Variants in ALK observed in about 807,000 individuals in gnomAD.
The protein encoded by ALK is ALK receptor tyrosine kinase, also known as ALK tyrosine kinase receptor.
A neutral mutation model predicts 163.1 loss-of-function variants in ALK; 74 were observed. That is an observed-to-expected ratio of 0.45 (90% CI 0.38 to 0.55). The LOEUF is 0.55. Ranked by LOEUF, ALK falls within the 20% of genes least tolerant of loss-of-function variation. ALK has a pLI of 0.00. For missense variants in ALK, 2,063 were observed against 2,105.3 expected (o/e 0.98, Z 0.39); for synonymous variants, 960 against 843.2 (o/e 1.14, Z -2.40).
intron 5 of ALK, among the ~76,000 whole-genome samples, chr2:29,341,623 CA>C (rs528057969): frequency 2.0e-5 from 3 of 151,072 alleles, no homozygotes; most frequent in African/African-American, 7.3e-5. Context: ...CTCCATCTCT[CA>C]AAAAAAAAGT....
chr2:29,619,896 C>T (rs1050831519), intron 3 of ALK, among the ~76,000 whole-genome samples: 1 of 152,184 alleles, frequency 6.6e-6, no homozygotes, highest in Non-Finnish European at 1.5e-5. Flanking sequence ...TCATTATGGG[C>T]TGCATCAGGT....
intron 1 of ALK, among the ~76,000 whole-genome samples, chr2:29,796,285 A>T (rs1367611518): frequency 2.6e-5 from 4 of 152,208 alleles, no homozygotes; most frequent in African/African-American, 9.6e-5. Flanking sequence ...AGTGACGATC[A>T]GCAAAACTTA....
intron 5 of ALK, among the ~76,000 whole-genome samples, chr2:29,365,904 G>A (rs1275433478): frequency 6.6e-5 from 10 of 152,078 alleles, no homozygotes; most frequent in Admixed American, 6.5e-4. Context: ...TGACAATTAC[G>A]ACTCAAAATA....
intron 4 of ALK, among the ~76,000 whole-genome samples, chr2:29,474,735 A>G (rs186614020): frequency 9.8e-4 from 150 of 152,320 alleles, no homozygotes; most frequent in Non-Finnish European, 1.8e-3. Context: ...ACAGAAACGT[A>G]TTCGTGAATT....
intron 3 of ALK, among the ~76,000 whole-genome samples, chr2:29,610,932 A>T (rs1287522653): frequency 1.3e-5 from 2 of 152,126 alleles, no homozygotes; most frequent in Non-Finnish European, 2.9e-5. Context: ...ACCCCACTGA[A>T]AAATGTATGA....
chr2:29,733,250 G>C (rs1302654112), intron 1 of ALK, among the ~76,000 whole-genome samples: 1 of 152,198 alleles, frequency 6.6e-6, no homozygotes. Context: ...GTATCACCCA[G>C]AAGAATGAAA....
chr2:29,472,622 T>C (rs1319780612), intron 4 of ALK, among the ~76,000 whole-genome samples: 1 of 152,068 alleles, frequency 6.6e-6, no homozygotes, highest in African/African-American at 2.4e-5. Context: ...AAAGGCACAT[T>C]TGGAAAAAAA....
intron 1 of ALK, among the ~76,000 whole-genome samples, chr2:29,830,455 C>A (rs1665335334): frequency 6.6e-6 from 1 of 152,088 alleles, no homozygotes; most frequent in Admixed American, 6.5e-5. Context: ...TCAAAAGAGA[C>A]TTCAGGTAAG....
chr2:29,622,459 C>T (rs912311360), intron 3 of ALK, among the ~76,000 whole-genome samples: 5 of 152,132 alleles, frequency 3.3e-5, no homozygotes, highest in African/African-American at 4.8e-5. Context: ...TTCACTATCA[C>T]GAGAATAGCA....
At chr2:29,624,220 G>A (rs1299811869) in intron 3 of ALK, among the ~76,000 whole-genome samples, 2 of 55,816 alleles carry the variant, frequency 3.6e-5, no homozygotes, top group Admixed American at 1.9e-4. Context: ...CTTTTGGGTG[G>A]AGATGTGTGA....
rs1374299032 is a variant in ALK, at chr2:29,300,378, G to A, written c.1648-3321C>T. Among the ~76,000 whole-genome samples the A allele has an allele frequency of 7.2e-5, 11 of 151,784 alleles. No individual in the cohort carries two copies. The East Asian group carries it at 1.2e-3, about 16-fold the overall frequency. Reference sequence around the variant, plus strand: ...AGCCTGGCAAACATGGTGAAACCCCGACTCTACTAAAAATACAAAAATTAG... The same window carrying A: ...AGCCTGGCAAACATGGTGAAACCCCAACTCTACTAAAAATACAAAAATTAG... On this transcript the variant is annotated intron_variant, in intron 8 of 28. Coordinates refer to ENST00000389048, the MANE Select transcript of ALK (RefSeq NM_004304.5).
intron 26 of ALK, among the ~76,000 whole-genome samples, chr2:29,199,933 GTCA>G (rs538833339): frequency 6.6e-6 from 1 of 152,228 alleles, no homozygotes; most frequent in Non-Finnish European, 1.5e-5. Context: ...TGCTTTTATT[GTCA>G]TCATCTGTGT....
intron 5 of ALK, among the ~76,000 whole-genome samples, chr2:29,349,790 T>C (rs1444719689): frequency 6.6e-6 from 1 of 152,198 alleles, no homozygotes; most frequent in Non-Finnish European, 1.5e-5. Context: ...GGATGTGCCC[T>C]GCTCAGGGAA....
chr2:29,736,770 T>A (rs1679903515), intron 1 of ALK, among the ~76,000 whole-genome samples: 1 of 152,092 alleles, frequency 6.6e-6, no homozygotes, highest in Non-Finnish European at 1.5e-5. Context: ...GCTTATTGAA[T>A]TTGTAGCGAT....
rs753763148 is a variant in ALK at position 29,197,587 on chromosome 2, G to A, written c.4028C>T (p.Thr1343Ile). 1.4e-5 allele frequency: 22 copies of A among 1,613,764 alleles called. No individual in the cohort carries two copies. The African/African-American group carries it at 2.5e-4, about 19-fold the overall frequency. Reference sequence around the variant, plus strand: ...GGGTGGGTCCATCCGGCCTCCACTGGTGACAAACTCCAGAACTTCCTGGTT... The same window carrying A: ...GGGTGGGTCCATCCGGCCTCCACTGATGACAAACTCCAGAACTTCCTGGTT... ...KSNQEVLEFV[T>I]SGGRMDPPKN... The change falls in exon 27 of 29, where the codon ACC (threonine) becomes ATC (isoleucine). Residue 1343 changes from threonine to isoleucine, a missense_variant. Coordinates refer to ENST00000389048, the MANE Select transcript of ALK (RefSeq NM_004304.5).
At chr2:29,330,437 C>T (rs1438045589) in intron 5 of ALK, among the ~76,000 whole-genome samples, 1 of 152,202 alleles carries the variant, frequency 6.6e-6, no homozygotes, top group Admixed American at 6.5e-5. Flanking sequence ...AACCTGCCTC[C>T]AGAACGCTTG....
At chr2:29,891,942 A>T (rs1338063891) in intron 1 of ALK, among the ~76,000 whole-genome samples, 1 of 152,160 alleles carries the variant, frequency 6.6e-6, no homozygotes, top group Non-Finnish European at 1.5e-5. Context: ...TGCTTTAGTA[A>T]ATGGTGGCTT....
intron 4 of ALK, among the ~76,000 whole-genome samples, chr2:29,521,886 C>T (rs911388078): frequency 6.6e-6 from 1 of 152,168 alleles, no homozygotes; most frequent in Non-Finnish European, 1.5e-5. Flanking sequence ...CGGAGGCCAG[C>T]CTTTCTGGAT....
rs529306742 is a variant in ALK at position 29,693,091 on chromosome 2, T to G, written c.952+1759A>C. Among the ~76,000 whole-genome samples the G allele has an allele frequency of 8.8e-4, 134 of 152,258 alleles. 1 individual carries two copies. The Middle Eastern group carries it at 0.034, about 39-fold the overall frequency. On this transcript the variant is annotated intron_variant, in intron 3 of 28. Transcript: ENST00000389048. ...TTCACACAAAATATAGGAGAGTGGTTACCTTGGAGGGTGGGGAAAAGTTTG... is the reference window on the plus strand; with the variant it reads ...TTCACACAAAATATAGGAGAGTGGTGACCTTGGAGGGTGGGGAAAAGTTTG...
Sources: gnomAD v4.1 joint callset for allele counts (sites outside exome capture counted in the v4.1 genomes callset) on GRCh38, gnomAD v4.1.1 for gene constraint, MANE v1.5 for transcripts, NCBI Gene and HGNC (gene_info 2026-07-23, HGNC 2026-07-21) for gene names.